CADPS2: variants seen among roughly 807,000 people sequenced by gnomAD.
The protein encoded by CADPS2 is calcium-dependent secretion activator 2.
Under a neutral mutation model 172.5 loss-of-function variants are expected in CADPS2, and 93 were observed. The ratio of observed to expected loss-of-function variants is 0.54; its 90% CI spans 0.46 to 0.64. CADPS2 has a LOEUF of 0.64. CADPS2 is among the 30% of genes least tolerant of loss of function. The pLI, the probability that CADPS2 is intolerant of heterozygous loss-of-function variation, is 0.00. For missense variants in CADPS2, 1,420 were observed against 1,565.9 expected, an observed-to-expected ratio of 0.91 and a Z score of 1.57; for synonymous variants, 546 against 555.2, an observed-to-expected ratio of 0.98 and a Z score of 0.23.
intron 2 of CADPS2, among the ~76,000 whole-genome samples, chr7:122,704,229 C>A (rs2086628594): frequency 6.6e-6 from 1 of 151,542 alleles, no homozygotes; most frequent in South Asian, 2.1e-4. Context: ...GTTAGTATTC[C>A]CTGTATTTTA....
rs2091834696 is a variant in CADPS2 at position 122,733,007 on chromosome 7, G to A, written c.453+3948C>T. 2.7e-5 allele frequency among the ~76,000 whole-genome samples: 4 copies of A among 150,210 alleles called. No homozygotes were observed. In the Admixed American group the frequency reaches 2.7e-4, roughly 10 times the overall value. ...ATAAATGAGCAAATTACCACTTAAA[G>A]ATTATTAATAGTTGACAACAGCTGC... On this transcript the variant is annotated intron_variant, in intron 2 of 29. Transcript: ENST00000449022.
Position 122,490,299 on chromosome 7 carries a change from A to C in CADPS2, c.1652-18T>G. On this transcript the variant is annotated intron_variant, in intron 10 of 29. Transcript: ENST00000449022. ...CTGAAGGCCTGTGGAGGAAACAAAA[A>C]GACATCATTAAAAATTTATAGGATT... The C allele has an allele frequency of 6.2e-7, 1 of 1,607,298 alleles. No homozygotes were observed. Among genetic ancestry groups the C allele is most frequent in the East Asian group, 2.2e-5 (1 of 44,752 alleles).
At chr7:122,502,020 G>A (rs11983718) in intron 9 of CADPS2, among the ~76,000 whole-genome samples, 4,659 of 151,036 alleles carry the variant, frequency 0.031, 218 homozygotes, top group African/African-American at 0.11. Context: ...CTGTATTCCC[G>A]AATAGCAAGC....
chr7:122,491,895 T>TA (rs1462230645), intron 9 of CADPS2, among the ~76,000 whole-genome samples: 4 of 151,918 alleles, frequency 2.6e-5, no homozygotes, highest in Non-Finnish European at 5.9e-5. Flanking sequence ...TTTAACAAAG[T>TA]AAAAAAAGAT....
At position 122,613,731 on chromosome 7, in the gene CADPS2, T is replaced by A. The variant is rs537589444; in HGVS notation, c.1223+1450A>T. On this transcript the variant is annotated intron_variant, in intron 6 of 29. Coordinates refer to ENST00000449022, the MANE Select transcript of CADPS2 (RefSeq NM_017954.11). The stretch of plus-strand genomic sequence containing the variant: ...ATTCAAAACTGGATAGTGGTGATGA[T>A]TACACAATTCTGTGAATATACTAAT... 2.6e-5 allele frequency among the ~76,000 whole-genome samples: 4 copies of A among 151,986 alleles called. No individual in the cohort carries two copies. The East Asian group carries it at 7.8e-4, about 30-fold the overall frequency.
intron 24 of CADPS2, 97 bp downstream of exon 24, chr7:122,386,929 T>G: frequency 7.8e-7 from 1 of 1,284,644 alleles, no homozygotes; most frequent in Non-Finnish European, 1.1e-6. Context: ...GAGAACTTGG[T>G]CTTTTCAATC....
At chr7:122,409,468 C>CTTT (rs543909692) in intron 19 of CADPS2, 3 of 252,736 alleles carry the variant, frequency 1.2e-5, no homozygotes, top group Admixed American at 8.8e-5. Flanking sequence ...ATGGAATACA[C>CTTT]TTTTTTTTTT....
intron 8 of CADPS2, among the ~76,000 whole-genome samples, chr7:122,539,739 C>T (rs2062704078): frequency 7.5e-6 from 1 of 133,996 alleles, no homozygotes; most frequent in South Asian, 2.4e-4. Context: ...GCCTGTCTGT[C>T]CCTCTCTCTC....
rs71531908 is a variant in CADPS2, at chr7:122,644,095, TGAAG to T, written c.787-14771_787-14768del. 8.3e-3 allele frequency among the ~76,000 whole-genome samples: 1,215 copies of T among 146,332 alleles called. 12 individuals carry two copies. The highest frequency in any genetic ancestry group is 0.028 in the African/African-American group (1,111 of 39,534). ...GAAAGAAAAGAAAGGAAGGAAGGAA[TGAAG>T]GAAGGAAGGAAGGAAGGAACAAACG... On this transcript the variant is annotated intron_variant, in intron 3 of 29. Transcript: ENST00000449022.
At chr7:122,676,072 AG>A (rs2082352109) in intron 2 of CADPS2, among the ~76,000 whole-genome samples, 1 of 152,218 alleles carries the variant, frequency 6.6e-6, no homozygotes, top group Non-Finnish European at 1.5e-5. Flanking sequence ...CTTTTGCCAA[AG>A]GAAACAAACT....
intron 1 of CADPS2, among the ~76,000 whole-genome samples, chr7:122,798,134 C>T (rs1229810782): frequency 6.6e-6 from 1 of 151,960 alleles, no homozygotes; most frequent in Non-Finnish European, 1.5e-5. Context: ...AACATTTTAA[C>T]ACCACAATAC....
intron 15 of CADPS2, 80 bp from the exon 16 acceptor site, chr7:122,441,655 G>T: frequency 1.2e-6 from 1 of 833,244 alleles, no homozygotes; most frequent in South Asian, 2.2e-5. Context: ...TGTATTACTT[G>T]GCATTAATGA....
intron 1 of CADPS2, among the ~76,000 whole-genome samples, chr7:122,740,716 T>A (rs1398402961): frequency 6.6e-6 from 1 of 151,802 alleles, no homozygotes; most frequent in Non-Finnish European, 1.5e-5. Flanking sequence ...AAAAATACCA[T>A]AGGCAAAATA....
chr7:122,602,132 A>G (rs1444185369), intron 6 of CADPS2, among the ~76,000 whole-genome samples: 1 of 151,954 alleles, frequency 6.6e-6, no homozygotes, highest in Non-Finnish European at 1.5e-5. Flanking sequence ...GAGAACCTGT[A>G]GCAGATTCAC....
At chr7:122,499,374 T>C (rs919215133) in intron 9 of CADPS2, among the ~76,000 whole-genome samples, 3 of 152,214 alleles carry the variant, frequency 2.0e-5, no homozygotes, top group African/African-American at 4.8e-5. Context: ...TCCAGCACTA[T>C]TGTAGCCACA....
At chr7:122,562,750 T>G (rs1218081977) in intron 7 of CADPS2, among the ~76,000 whole-genome samples, 1 of 152,198 alleles carries the variant, frequency 6.6e-6, no homozygotes, top group Non-Finnish European at 1.5e-5. Context: ...TCAGCTTTGC[T>G]TACTTTGTGT....
At chr7:122,740,824 A>G (rs1387413039) in intron 1 of CADPS2, among the ~76,000 whole-genome samples, 1 of 152,176 alleles carries the variant, frequency 6.6e-6, no homozygotes, top group African/African-American at 2.4e-5. Flanking sequence ...TAAGAACATC[A>G]TAAATAAACC....
chr7:122,615,429 C>T (rs1437673877), intron 5 of CADPS2, 130 bp from the exon 6 acceptor site: 10 of 496,022 alleles, frequency 2.0e-5, no homozygotes, highest in Non-Finnish European at 3.2e-5. Context: ...GTTAACATCA[C>T]TGGTATTTTA....
intron 28 of CADPS2, among the ~76,000 whole-genome samples, chr7:122,345,301 T>C (rs1263555012): frequency 6.6e-6 from 1 of 152,078 alleles, no homozygotes; most frequent in Non-Finnish European, 1.5e-5. Context: ...ATGTCTTTTA[T>C]TTTTTCTTGT....
Sources: gnomAD v4.1 joint callset for allele counts (sites outside exome capture counted in the v4.1 genomes callset) on GRCh38, gnomAD v4.1.1 for gene constraint, MANE v1.5 for transcripts, NCBI Gene and HGNC (gene_info 2026-07-23, HGNC 2026-07-21) for gene names.